The following PRMT3 variants were observed in gnomAD, a reference collection of about 807,000 sequenced individuals.
PRMT3 encodes protein arginine methyltransferase 3.
PRMT3 carries 62 observed loss-of-function variants against 71.9 expected under a neutral mutation model. That is an observed-to-expected ratio of 0.86 (90% CI 0.70 to 1.07). The LOEUF is 1.07. Ranked by LOEUF, PRMT3 falls within the 50% of genes least tolerant of loss-of-function variation. PRMT3 has a pLI of 0.00. For missense variants in PRMT3, 663 were observed against 643.0 expected (o/e 1.03, Z -0.34); for synonymous variants, 213 against 220.4 (o/e 0.97, Z 0.30).
At position 20,475,375 on chromosome 11, in the gene PRMT3, A is replaced by G. The variant is rs552297951; in HGVS notation, c.1347+10829A>G. On this transcript the variant is annotated intron_variant, in intron 13 of 15. Coordinates refer to ENST00000331079, the MANE Select transcript of PRMT3 (RefSeq NM_005788.4). ...TGAGATGTTTGCCCAGTCAGTCCCA[A>G]TACAAGAACCTGGATATTTCAGATG... 1.7e-4 allele frequency among the ~76,000 whole-genome samples: 26 copies of G among 152,276 alleles called. No homozygotes were observed. In the East Asian group the frequency reaches 1.9e-3, roughly 11 times the overall value.
intron 13 of PRMT3, among the ~76,000 whole-genome samples, chr11:20,484,656 G>A (rs965836986): frequency 2.0e-5 from 3 of 152,136 alleles, no homozygotes; most frequent in Non-Finnish European, 4.4e-5. Context: ...CCCCAGCCAC[G>A]TGGAACTGTA....
At chr11:20,433,155 A>G (rs1269834691) in intron 10 of PRMT3, among the ~76,000 whole-genome samples, 2 of 152,092 alleles carry the variant, frequency 1.3e-5, no homozygotes, top group East Asian at 1.9e-4. Context: ...TCACCTAGGT[A>G]CTAAGCCTAG....
intron 13 of PRMT3, among the ~76,000 whole-genome samples, chr11:20,486,496 A>G (rs1374114432): frequency 6.6e-6 from 1 of 152,126 alleles, no homozygotes; most frequent in Non-Finnish European, 1.5e-5. Context: ...AACTGAATAC[A>G]GCTGTGAAAC....
At chr11:20,474,803 C>T (rs917509462) in intron 13 of PRMT3, among the ~76,000 whole-genome samples, 1 of 152,224 alleles carries the variant, frequency 6.6e-6, no homozygotes, top group Non-Finnish European at 1.5e-5. Flanking sequence ...AGAACAATGG[C>T]AAGAGCACAC....
At chr11:20,457,497 A>G (rs1016637513) in intron 11 of PRMT3, among the ~76,000 whole-genome samples, 1 of 152,222 alleles carries the variant, frequency 6.6e-6, no homozygotes, top group Admixed American at 6.5e-5. Context: ...CTCTGAATTT[A>G]AGTTTAATTT....
intron 5 of PRMT3, chr11:20,393,644 T>G (rs1011618392): frequency 6.6e-6 from 1 of 152,232 alleles, no homozygotes; most frequent in Non-Finnish European, 1.5e-5. Context: ...GGCCTTTGAA[T>G]TAGACTGTTC....
At chr11:20,401,587 G>A (rs538445167) in intron 7 of PRMT3, among the ~76,000 whole-genome samples, 3 of 152,024 alleles carry the variant, frequency 2.0e-5, no homozygotes, top group African/African-American at 7.2e-5. Context: ...GGGGGTATGA[G>A]TTGTATAAAA....
At chr11:20,406,623 C>T (rs1275396647) in intron 8 of PRMT3, 2 of 152,134 alleles carry the variant, frequency 1.3e-5, no homozygotes, top group African/African-American at 4.8e-5. Flanking sequence ...ATACAGATAT[C>T]TCTTAGGGGC....
chr11:20,499,245 T>C (rs1439300229), intron 15 of PRMT3, among the ~76,000 whole-genome samples: 2 of 152,192 alleles, frequency 1.3e-5, no homozygotes, highest in East Asian at 3.9e-4. Flanking sequence ...CAACAGCTAA[T>C]GAATTTAAAA....
At chr11:20,486,558 G>T (rs1165098625) in intron 13 of PRMT3, among the ~76,000 whole-genome samples, 1 of 152,044 alleles carries the variant, frequency 6.6e-6, no homozygotes, top group African/African-American at 2.4e-5. Flanking sequence ...AGTCCCCTTT[G>T]TACACCTACC....
At chr11:20,467,436 C>A (rs1850538387) in intron 13 of PRMT3, among the ~76,000 whole-genome samples, 1 of 152,080 alleles carries the variant, frequency 6.6e-6, no homozygotes, top group East Asian at 1.9e-4. Context: ...ACCCAAAAAA[C>A]CTTCTTTGTG....
At position 20,509,184 on chromosome 11, in the gene PRMT3, T is replaced by C. The variant is rs1851668439; in HGVS notation, c.*771T>C. Reference sequence around the variant, plus strand: ...GATTTATGTGCAAAGGTTAAACATGTAACTGTTACTAAGCAGTCTATAAAG... The same window carrying C: ...GATTTATGTGCAAAGGTTAAACATGCAACTGTTACTAAGCAGTCTATAAAG... On this transcript the variant is annotated 3_prime_UTR_variant, in exon 16 of 16. Coordinates refer to ENST00000331079, the MANE Select transcript of PRMT3 (RefSeq NM_005788.4). The C allele has an allele frequency of 6.6e-6, 1 of 152,238 alleles. No homozygotes were observed. The highest frequency in any genetic ancestry group is 6.5e-5 in the Admixed American group (1 of 15,282). 9.4% of individuals were successfully genotyped at this position (152,238 alleles called of 1,614,324 possible).
At chr11:20,441,659 G>T (rs150476288) in intron 10 of PRMT3, among the ~76,000 whole-genome samples, 1 of 151,784 alleles carries the variant, frequency 6.6e-6, no homozygotes, top group Non-Finnish European at 1.5e-5. Context: ...CATATTTTCC[G>T]TGTAAGATTA....
intron 15 of PRMT3, among the ~76,000 whole-genome samples, chr11:20,505,725 T>A (rs895672076): frequency 6.6e-6 from 1 of 152,146 alleles, no homozygotes; most frequent in African/African-American, 2.4e-5. Flanking sequence ...ATGTGTTCAA[T>A]ATACTAATGA....
intron 9 of PRMT3, among the ~76,000 whole-genome samples, chr11:20,409,841 C>T (rs1050129106): frequency 1.3e-5 from 2 of 151,978 alleles, no homozygotes; most frequent in Non-Finnish European, 2.9e-5. Flanking sequence ...TCATTGCCAT[C>T]CAAACAAATA....
Position 20,387,768 on chromosome 11 carries a change from G to T in PRMT3, c.22G>T (p.Ala8Ser). 6.5e-7 allele frequency: 1 copy of T among 1,541,964 alleles called. No individual in the cohort carries two copies. The highest frequency in any genetic ancestry group is 8.7e-7 in the Non-Finnish European group (1 of 1,146,256). Reference protein sequence around the residue: MCSLASGATGGRGAVENE... With the variant: MCSLASGSTGGRGAVENE... ...AGCCATGTGCTCGTTAGCGTCAGGC[G>T]CTACCGGTGGGTACCCTGGCCCCTC... Residue 8 changes from alanine (A) to serine (S), a missense_variant, in exon 1 of 16, where the codon GCT becomes TCT. By Grantham distance (99) the Ala-to-Ser change is moderately conservative. Coordinates refer to ENST00000331079, the MANE Select transcript of PRMT3 (RefSeq NM_005788.4). The surrounding 1 kb of genome is among the most constrained non-coding windows in gnomAD (Gnocchi z 4.3).
At chr11:20,422,078 CAG>C (rs1293597867) in intron 9 of PRMT3, among the ~76,000 whole-genome samples, 7 of 152,288 alleles carry the variant, frequency 4.6e-5, no homozygotes, top group South Asian at 4.1e-4. Flanking sequence ...CTCACTGTAG[CAG>C]ATTAGTTGTC....
At chr11:20,423,434 C>G (rs1849469701) in intron 9 of PRMT3, among the ~76,000 whole-genome samples, 1 of 152,164 alleles carries the variant, frequency 6.6e-6, no homozygotes, top group Non-Finnish European at 1.5e-5. Context: ...AAAGCTGGAA[C>G]ACGGCTGGGC....
intron 13 of PRMT3, among the ~76,000 whole-genome samples, chr11:20,489,634 G>A (rs1204478440): frequency 6.6e-6 from 1 of 151,986 alleles, no homozygotes; most frequent in Non-Finnish European, 1.5e-5. Context: ...ATATTTTCCT[G>A]ACAAAATAAG....
Sources: allele counts gnomAD v4.1 joint callset (sites outside exome capture counted in the v4.1 genomes callset), GRCh38; gene constraint gnomAD v4.1.1; non-coding constraint Gnocchi (gnomAD v3.1); transcripts MANE v1.5; gene names NCBI Gene and HGNC (gene_info 2026-07-23, HGNC 2026-07-21).